The following PPP4R4 variants were observed in gnomAD, a reference collection of about 807,000 sequenced individuals.
The protein encoded by PPP4R4 is protein phosphatase 4 regulatory subunit 4.
PPP4R4 carries 70 observed loss-of-function variants against 121.8 expected under a neutral mutation model. The observed-to-expected ratio is 0.57, with a 90% CI of 0.47 to 0.70. PPP4R4 has a LOEUF of 0.70. Ranked by LOEUF, PPP4R4 falls within the 30% of genes least tolerant of loss-of-function variation. The probability of loss-of-function intolerance (pLI) is 0.00; values close to 1 mark genes in which losing one functional copy is unlikely to be tolerated. For synonymous variants in PPP4R4, 348 were observed against 355.7 expected (o/e 0.98, Z 0.24); for missense variants, 875 against 1,033.6 (o/e 0.85, Z 2.10).
At chr14:94,268,762 C>T (rs1362798358) in intron 23 of PPP4R4, among the ~76,000 whole-genome samples, 1 of 152,014 alleles carries the variant, frequency 6.6e-6, no homozygotes, top group African/African-American at 2.4e-5. Context: ...CACCAGATCT[C>T]GTGAGACTTA....
chr14:94,257,691 C>A (rs969912443), intron 17 of PPP4R4, among the ~76,000 whole-genome samples: 1 of 149,822 alleles, frequency 6.7e-6, no homozygotes, highest in African/African-American at 2.5e-5. Context: ...TTCTACCAGA[C>A]AGTTCCTTCC....
At chr14:94,217,442 CTG>C (rs1342793542) in intron 3 of PPP4R4, among the ~76,000 whole-genome samples, 9 of 152,208 alleles carry the variant, frequency 5.9e-5, no homozygotes, top group African/African-American at 2.2e-4. Context: ...AGCATAAATA[CTG>C]TTGCCCCTAT....
chr14:94,247,146 C>G (rs1208274176), intron 14 of PPP4R4, among the ~76,000 whole-genome samples: 1 of 152,230 alleles, frequency 6.6e-6, no homozygotes, highest in African/African-American at 2.4e-5. Flanking sequence ...TAATTGTCTA[C>G]TTTTTTCACA....
intron 23 of PPP4R4, among the ~76,000 whole-genome samples, chr14:94,274,178 C>T (rs1434561493): frequency 6.6e-6 from 1 of 151,904 alleles, no homozygotes; most frequent in East Asian, 1.9e-4. Context: ...GTATTATAAA[C>T]CTAAGCATAA....
chr14:94,266,447 T>C (rs2139647334), intron 22 of PPP4R4, among the ~76,000 whole-genome samples: 1 of 152,300 alleles, frequency 6.6e-6, no homozygotes, highest in South Asian at 2.1e-4. Context: ...CAAACTGCTG[T>C]ATGTCAATTG....
chr14:94,176,250 T>C (rs1409508833), intron 2 of PPP4R4, 123 bp downstream of exon 2: 5 of 782,480 alleles, frequency 6.4e-6, no homozygotes, highest in Non-Finnish European at 8.9e-6. Flanking sequence ...CAGAGTACTT[T>C]TGTGTGCATA....
chr14:94,266,979 A>G lies in PPP4R4; in HGVS notation c.2399A>G (p.Tyr800Cys), dbSNP rs776928254. ...TCTAGTAAAAGTTCTACAACAGGAT[A>G]TACAACTTCTGTCTCAGGGTTAGGA... ...KCASKSSTTG[Y>C]TTSVSGLGKT... Residue 800 changes from tyrosine (Y) to cysteine (C), a missense_variant, in exon 23 of 25, where the codon TAT becomes TGT. By Grantham distance (194) the Tyr-to-Cys change is radical. Coordinates refer to ENST00000304338, the MANE Select transcript of PPP4R4 (RefSeq NM_058237.2). 5.0e-6 allele frequency: 8 copies of G among 1,592,090 alleles called. No individual in the cohort carries two copies. Among genetic ancestry groups the G allele is most frequent in the Non-Finnish European group, 6.9e-6 (8 of 1,161,766 alleles).
intron 2 of PPP4R4, among the ~76,000 whole-genome samples, chr14:94,183,797 T>C (rs1214072656): frequency 6.6e-6 from 1 of 152,126 alleles, no homozygotes; most frequent in Admixed American, 6.5e-5. Flanking sequence ...CTTGTAAGCA[T>C]AGTGTTTTAT....
chr14:94,242,506 A>G, intron 11 of PPP4R4, 98 bp downstream of exon 11: 1 of 1,187,022 alleles, frequency 8.4e-7, no homozygotes, highest in Non-Finnish European at 1.2e-6. Flanking sequence ...TATAGACTGG[A>G]TATCTCTTTC....
At chr14:94,270,102 C>A (rs767738399) in intron 23 of PPP4R4, among the ~76,000 whole-genome samples, 17 of 152,018 alleles carry the variant, frequency 1.1e-4, no homozygotes, top group Non-Finnish European at 1.9e-4. Context: ...CAAAACTGTT[C>A]TGAAAAAGAC....
At chr14:94,205,645 C>T (rs904825669) in intron 2 of PPP4R4, among the ~76,000 whole-genome samples, 9 of 151,468 alleles carry the variant, frequency 5.9e-5, no homozygotes, top group Non-Finnish European at 1.2e-4. Context: ...TTACATTTCC[C>T]TCTTTGAATA....
chr14:94,218,450 A>C (rs543340093), intron 3 of PPP4R4, among the ~76,000 whole-genome samples: 3 of 91,730 alleles, frequency 3.3e-5, no homozygotes, highest in Non-Finnish European at 6.4e-5. Context: ...ACACACCCTC[A>C]CCCCTAGACA....
chr14:94,183,312 C>A (rs941314334), intron 2 of PPP4R4, among the ~76,000 whole-genome samples: 2 of 152,090 alleles, frequency 1.3e-5, no homozygotes, highest in Non-Finnish European at 2.9e-5. Context: ...AAATGACTTG[C>A]CTTTCTACAT....
intron 3 of PPP4R4, among the ~76,000 whole-genome samples, chr14:94,211,283 A>C (rs927192815): frequency 6.6e-6 from 1 of 152,194 alleles, no homozygotes; most frequent in African/African-American, 2.4e-5. Context: ...TATAATGGTC[A>C]TTTGTGATAA....
rs1894318090 is a variant in PPP4R4 at position 94,271,356 on chromosome 14, A to G, written c.2450-4018A>G. Among the ~76,000 whole-genome samples the G allele has an allele frequency of 1.3e-5, 2 of 152,240 alleles. 1 individual carries two copies. The highest frequency in any genetic ancestry group is 2.9e-5 in the Non-Finnish European group (2 of 68,042). ...TATAACAGTTATAGAAGACTAATTC[A>G]CCATTTGAAGAACCCTTAATGTAAT... On this transcript the variant is annotated intron_variant, in intron 23 of 24. Transcript: ENST00000304338.
intron 24 of PPP4R4, 31 bp from the exon 25 acceptor site, chr14:94,278,588 C>A: frequency 6.7e-7 from 1 of 1,501,870 alleles, no homozygotes. Context: ...CCCCACCCTC[C>A]CTCTCTTCCT....
intron 2 of PPP4R4, among the ~76,000 whole-genome samples, chr14:94,194,557 C>T (rs762175516): frequency 9.9e-5 from 15 of 152,122 alleles, no homozygotes; most frequent in Non-Finnish European, 2.2e-4. Flanking sequence ...TCCTGTATGC[C>T]ATTTTTTTGG....
At chr14:94,275,603 C>A in intron 24 of PPP4R4, 82 bp downstream of exon 24, 2 of 1,449,478 alleles carry the variant, frequency 1.4e-6, no homozygotes, top group Non-Finnish European at 9.6e-7. Context: ...TAAGTACTTT[C>A]CAAAGAATAG....
intron 17 of PPP4R4, among the ~76,000 whole-genome samples, chr14:94,256,815 GTAA>G (rs1391595702): frequency 6.6e-6 from 1 of 152,130 alleles, no homozygotes; most frequent in Non-Finnish European, 1.5e-5. Flanking sequence ...TGTATTACTA[GTAA>G]TATAAGCCCA....
Sources: gnomAD v4.1 joint callset for allele counts (sites outside exome capture counted in the v4.1 genomes callset) on GRCh38, gnomAD v4.1.1 for gene constraint, MANE v1.5 for transcripts, NCBI Gene and HGNC (gene_info 2026-07-23, HGNC 2026-07-21) for gene names.